Variants in PEX14 observed in about 807,000 individuals in gnomAD.
PEX14 encodes the protein peroxisomal biogenesis factor 14, also known as peroxisomal membrane protein PEX14.
A neutral mutation model predicts 49.5 loss-of-function variants in PEX14; 15 were observed. The observed-to-expected ratio is 0.30, with a 90% CI of 0.20 to 0.47. The LOEUF (loss-of-function observed/expected upper bound fraction) is 0.47. PEX14 is among the 20% of genes least tolerant of loss of function. The pLI is 1.00. For synonymous variants in PEX14, 210 were observed against 212.7 expected (o/e 0.99, Z 0.11); for missense variants, 398 against 494.8 (o/e 0.80, Z 1.86).
chr1:10,520,066 C>G (rs1365692467), intron 2 of PEX14, among the ~76,000 whole-genome samples: 1 of 151,796 alleles, frequency 6.6e-6, no homozygotes, highest in East Asian at 1.9e-4. Flanking sequence ...TCTCAAATTC[C>G]TGGGCTCAGG....
At chr1:10,531,220 T>G (rs902738686) in intron 2 of PEX14, among the ~76,000 whole-genome samples, 1 of 152,216 alleles carries the variant, frequency 6.6e-6, no homozygotes, top group Non-Finnish European at 1.5e-5. Context: ...GCCCGTTGCA[T>G]TTTTTCACGA....
In PEX14 at chr1:10,597,196, A is replaced by G. The variant is rs186365341; in HGVS notation, c.170-2042A>G. Among the ~76,000 whole-genome samples, 2 of 152,380 alleles carry G rather than the reference A, an allele frequency of 1.3e-5. No individual in the cohort carries two copies. The highest frequency in any genetic ancestry group is 6.5e-5 in the Admixed American group (1 of 15,312). ...ACTGAATGCTCCTTTTGGGAAAATT[A>G]TCTTCATTTGCAGCCAGCGGCTGAC... is the stretch of plus-strand genomic sequence containing the variant. On this transcript the variant is annotated intron_variant, in intron 3 of 8. Transcript: ENST00000356607. This position sits in a 1 kb window ranked among gnomAD's most constrained non-coding sequence, Gnocchi z 5.7.
At chr1:10,622,507 C>T (rs931961395) in intron 5 of PEX14, among the ~76,000 whole-genome samples, 33 of 152,286 alleles carry the variant, frequency 2.2e-4, no homozygotes, top group African/African-American at 7.7e-4. Flanking sequence ...GTTTCTCCAG[C>T]GATGTTTTGT....
intron 3 of PEX14, among the ~76,000 whole-genome samples, chr1:10,576,820 G>A (rs1570293622): frequency 1.3e-5 from 2 of 150,460 alleles, no homozygotes; most frequent in South Asian, 2.1e-4. Context: ...TGCGTGGCGC[G>A]ATCTCAGCAC....
In PEX14 at chr1:10,495,068, G is replaced by A. The variant is rs992683626; in HGVS notation, c.37-206G>A. The A allele has an allele frequency of 1.1e-5, 11 of 982,082 alleles. No homozygotes were observed. In the South Asian group the frequency reaches 4.7e-4, roughly 42 times the overall value. 60.8% of individuals were successfully genotyped at this position (982,082 alleles called of 1,614,324 possible). On this transcript the variant is annotated intron_variant, in intron 1 of 8. Transcript: ENST00000356607. This position sits in a 1 kb window ranked among gnomAD's most constrained non-coding sequence, Gnocchi z 4.2. ...GGTGTGACAAGTGAACCCAGAAACAGTCTTCATCTTCCCTGGTGAATTCAG... is the reference window on the plus strand; with the variant it reads ...GGTGTGACAAGTGAACCCAGAAACAATCTTCATCTTCCCTGGTGAATTCAG...
At chr1:10,599,001 G>A (rs902938565) in intron 3 of PEX14, among the ~76,000 whole-genome samples, 6 of 152,044 alleles carry the variant, frequency 3.9e-5, no homozygotes, top group African/African-American at 1.5e-4. Context: ...ATAAACTCAA[G>A]GATAAATTAA....
rs375804136 is a variant in PEX14 at position 10,629,438 on chromosome 1, C to A, written c.678-93C>A. On this transcript the variant is annotated intron_variant, in intron 8 of 8. Coordinates refer to ENST00000356607, the MANE Select transcript of PEX14 (RefSeq NM_004565.3). The surrounding 1 kb of genome is among the most constrained non-coding windows in gnomAD (Gnocchi z 8.5). ...TGTCCCTGGGGGAGCAGCTCACCAT[C>A]GCCGAGCCCTTGCGGGTCAGGGAAG... 4.7e-6 allele frequency: 4 copies of A among 846,642 alleles called. No individual in the cohort carries two copies. Among genetic ancestry groups the A allele is most frequent in the Non-Finnish European group, 7.9e-6 (4 of 503,572 alleles). The allele number at this position is 846,642 out of a possible 1,614,324, so 52.4% of individuals were successfully genotyped here.
At chr1:10,619,315 A>ATT (rs60523076) in intron 5 of PEX14, among the ~76,000 whole-genome samples, 66 of 129,056 alleles carry the variant, frequency 5.1e-4, no homozygotes, top group South Asian at 1.8e-3. Flanking sequence ...CTGATTGGTG[A>ATT]TTTTTTTTTT....
intron 5 of PEX14, 35 bp downstream of exon 5, chr1:10,618,452 C>CCT (rs1641495183): frequency 6.7e-7 from 1 of 1,496,846 alleles, no homozygotes; most frequent in Non-Finnish European, 9.3e-7. Context: ...GTGCTGTGCC[C>CCT]CTGCCACCCT....
At chr1:10,489,525 G>T (rs1400391039) in intron 1 of PEX14, among the ~76,000 whole-genome samples, 2 of 152,190 alleles carry the variant, frequency 1.3e-5, no homozygotes, top group Non-Finnish European at 2.9e-5. Flanking sequence ...CAGTCTGGCT[G>T]CTTGGGACTC....
chr1:10,607,339 A>G (rs1353594771), intron 4 of PEX14, among the ~76,000 whole-genome samples: 1 of 152,208 alleles, frequency 6.6e-6, no homozygotes, highest in Non-Finnish European at 1.5e-5. Flanking sequence ...GCTATTACGA[A>G]TAAAACTTTT....
At chr1:10,491,833 A>G (rs746746123) in intron 1 of PEX14, among the ~76,000 whole-genome samples, 9 of 151,844 alleles carry the variant, frequency 5.9e-5, no homozygotes, top group Non-Finnish European at 8.8e-5. Flanking sequence ...GGCATGCACC[A>G]CCACACCCAG....
rs1426007981 is a variant in PEX14, at chr1:10,494,863, CT to C, written c.37-407del. 2.0e-5 allele frequency among the ~76,000 whole-genome samples: 3 copies of C among 152,182 alleles called. No homozygotes were observed. Among genetic ancestry groups the C allele is most frequent in the African/African-American group, 4.8e-5 (2 of 41,450 alleles). ...AATCTGGTTCTCCACTGCTGCGCGA[CT>C]TTTCTTCCCAGTCCCCTGACGTTGG... On this transcript the variant is annotated intron_variant, in intron 1 of 8. Coordinates refer to ENST00000356607, the MANE Select transcript of PEX14 (RefSeq NM_004565.3). This position sits in a 1 kb window ranked among gnomAD's most constrained non-coding sequence, Gnocchi z 4.3.
intron 4 of PEX14, among the ~76,000 whole-genome samples, chr1:10,604,204 G>A (rs1340647310): frequency 1.3e-5 from 2 of 152,194 alleles, no homozygotes; most frequent in African/African-American, 2.4e-5. Flanking sequence ...AAGAGGCGAC[G>A]GGAAGCTTCA....
intron 2 of PEX14, among the ~76,000 whole-genome samples, chr1:10,522,941 G>A (rs1363139622): frequency 1.3e-5 from 2 of 152,190 alleles, no homozygotes; most frequent in African/African-American, 4.8e-5. Flanking sequence ...TGTCATTTTA[G>A]ATGAACGTGT....
chr1:10,527,017 C>T (rs1247074106), intron 2 of PEX14, among the ~76,000 whole-genome samples: 1 of 151,940 alleles, frequency 6.6e-6, no homozygotes, highest in African/African-American at 2.4e-5. Context: ...AGTTCGAGAC[C>T]CGCCTGGCCA....
Position 10,623,322 on chromosome 1 carries a change from A to G in PEX14, c.487+201A>G, listed in dbSNP as rs893484500. On this transcript the variant is annotated intron_variant, in intron 6 of 8. Transcript: ENST00000356607. This position sits in a 1 kb window ranked among gnomAD's most constrained non-coding sequence, Gnocchi z 4.4. Reference sequence around the variant, plus strand: ...CTTGTTTACTGTCGGCGCGGCCTCAATTAATTATGTTTTTACGGAAAGGCT... The same window carrying G: ...CTTGTTTACTGTCGGCGCGGCCTCAGTTAATTATGTTTTTACGGAAAGGCT... The G allele has an allele frequency of 3.6e-6, 2 of 558,914 alleles. No homozygotes were observed. The highest frequency in any genetic ancestry group is 1.9e-5 in the African/African-American group (1 of 53,062). 34.6% of individuals were successfully genotyped at this position (558,914 alleles called of 1,614,324 possible).
At chr1:10,513,693 A>G (rs1379636404) in intron 2 of PEX14, among the ~76,000 whole-genome samples, 3 of 152,186 alleles carry the variant, frequency 2.0e-5, no homozygotes, top group African/African-American at 7.2e-5. Context: ...CAGGGGTGCC[A>G]ATTCTTCCAT....
intron 5 of PEX14, among the ~76,000 whole-genome samples, chr1:10,619,461 C>T (rs1422387831): frequency 1.3e-5 from 2 of 151,890 alleles, no homozygotes; most frequent in South Asian, 2.1e-4. Flanking sequence ...GGATTATAGG[C>T]GTGCTGGTGC....
Sources: allele counts gnomAD v4.1 joint callset (sites outside exome capture counted in the v4.1 genomes callset), GRCh38; gene constraint gnomAD v4.1.1; non-coding constraint Gnocchi (gnomAD v3.1); transcripts MANE v1.5; gene names NCBI Gene and HGNC (gene_info 2026-07-23, HGNC 2026-07-21).